Variants in MYO9A observed in about 807,000 individuals in gnomAD.
The protein encoded by MYO9A is myosin IXA.
In MYO9A, 103 loss-of-function variants were observed where a neutral mutation model predicts 293.3. The observed-to-expected ratio is 0.35, with a 90% CI of 0.30 to 0.41. MYO9A has a LOEUF of 0.41. Ranked by LOEUF, MYO9A falls within the 10% of genes least tolerant of loss-of-function variation. The pLI is 1.00. For synonymous variants in MYO9A, 1,001 were observed against 1,035.7 expected (o/e 0.97, Z 0.64); for missense variants, 2,685 against 3,033.0 (o/e 0.89, Z 2.69).
At position 71,825,465 on chromosome 15, in the gene MYO9A, G is replaced by C. The variant is rs2054440899; in HGVS notation, c.*1115C>G. On this transcript the variant is annotated 3_prime_UTR_variant, in exon 42 of 42. Transcript: ENST00000356056. ...ATTTAATACTGATAGTCTGAGAAAA[G>C]GAAGATAAAAGTTAGTTAGTTAGAT... 1 of 151,990 alleles carries C rather than the reference G, an allele frequency of 6.6e-6. No individual in the cohort carries two copies. Among genetic ancestry groups the C allele is most frequent in the South Asian group, 2.1e-4 (1 of 4,822 alleles). 9.4% of individuals were successfully genotyped at this position (151,990 alleles called of 1,614,324 possible).
chr15:72,037,228 A>G (rs903945460), intron 2 of MYO9A, among the ~76,000 whole-genome samples: 5 of 145,962 alleles, frequency 3.4e-5, no homozygotes, highest in Non-Finnish European at 6.0e-5. Flanking sequence ...TTTAAACACT[A>G]TAACTGCTTA....
chr15:71,904,162 C>T (rs1256113197), intron 20 of MYO9A, 123 bp from the exon 21 acceptor site: 1 of 758,974 alleles, frequency 1.3e-6, no homozygotes, highest in South Asian at 1.7e-5. Flanking sequence ...TTAACATATA[C>T]AGTAACTAAG....
intron 14 of MYO9A, among the ~76,000 whole-genome samples, chr15:71,952,251 C>T (rs1214709649): frequency 6.6e-6 from 1 of 152,064 alleles, no homozygotes; most frequent in Admixed American, 6.6e-5. Context: ...ATATAATTAA[C>T]ATATAGTTGG....
intron 18 of MYO9A, among the ~76,000 whole-genome samples, chr15:71,918,665 G>A (rs942043314): frequency 6.6e-6 from 1 of 152,144 alleles, no homozygotes; most frequent in African/African-American, 2.4e-5. Flanking sequence ...ATAATTTATA[G>A]GTTACCCTTA....
chr15:72,020,342 T>C (rs1224147437), intron 5 of MYO9A, among the ~76,000 whole-genome samples: 5 of 152,168 alleles, frequency 3.3e-5, no homozygotes, highest in Admixed American at 3.3e-4. Flanking sequence ...TACTCCTCAA[T>C]GTGGAAGTTT....
chr15:71,827,511 C>CA, intron 41 of MYO9A, among the ~76,000 whole-genome samples: 1 of 151,102 alleles, frequency 6.6e-6, no homozygotes, highest in East Asian at 1.9e-4. Context: ...ATTAAATTAC[C>CA]AAAAAACAAA....
chr15:71,966,265 A>AGTGTGTGTGTGTGTGTGT lies in MYO9A; in HGVS notation c.1986+1701_1986+1718dup, dbSNP rs377708464. ...ATAACGCAGATGAATATCCCAGGCA[A>AGTGTGTGTGTGTGTGTGT]GTGTGTGTGTGTGTGTGTGTGTGTG... On this transcript the variant is annotated intron_variant, in intron 13 of 41. Coordinates refer to ENST00000356056, the MANE Select transcript of MYO9A (RefSeq NM_006901.4). Among the ~76,000 whole-genome samples, 1,250 of 134,928 alleles carry AGTGTGTGTGTGTGTGTGT rather than the reference A, an allele frequency of 9.3e-3. 23 individuals are homozygous for AGTGTGTGTGTGTGTGTGT. Among genetic ancestry groups the AGTGTGTGTGTGTGTGTGT allele is most frequent in the African/African-American group, 0.018 (644 of 34,854 alleles). 88.5% of individuals were successfully genotyped at this position (134,928 alleles called of 152,430 possible). A position where few individuals can be genotyped will look rare whatever the true frequency, so the allele number is the denominator to read the frequency against.
intron 1 of MYO9A, among the ~76,000 whole-genome samples, chr15:72,071,182 A>C (rs2079178370): frequency 6.6e-6 from 1 of 152,224 alleles, no homozygotes; most frequent in Non-Finnish European, 1.5e-5. Flanking sequence ...TGGAATCTAT[A>C]AGGAACTTAA....
At chr15:71,841,195 ATT>A (rs1555459840) in intron 39 of MYO9A, among the ~76,000 whole-genome samples, 1 of 152,038 alleles carries the variant, frequency 6.6e-6, no homozygotes, top group Non-Finnish European at 1.5e-5. Flanking sequence ...TGATAATTTT[ATT>A]TCTTTATTTT....
chr15:71,898,275 C>A lies in MYO9A; in HGVS notation c.4228G>T (p.Asp1410Tyr), dbSNP rs779087224. The change falls in exon 25 of 42, where the codon GAC becomes TAC. Residue 1410 changes from aspartate (D) to tyrosine (Y), a missense_variant. Physicochemically the swap from Asp to Tyr is radical, Grantham distance 160. Transcript: ENST00000356056. Reference protein sequence around the residue: ...ESITCKPQLKDSFISNSLPTF... With the variant: ...ESITCKPQLKYSFISNSLPTF... ...GGTAGACTATTTGAAATGAAGGAGTCTTTCAGCTGTGGTTTACAGGTAATA... is the reference window on the plus strand; with the variant it reads ...GGTAGACTATTTGAAATGAAGGAGTATTTCAGCTGTGGTTTACAGGTAATA... The A allele has an allele frequency of 6.2e-6, 10 of 1,614,158 alleles. No homozygotes were observed. In the Middle Eastern group the frequency reaches 6.6e-4, roughly 107 times the overall value.
At chr15:72,042,966 A>G (rs2149626526) in intron 2 of MYO9A, among the ~76,000 whole-genome samples, 1 of 152,112 alleles carries the variant, frequency 6.6e-6, no homozygotes, top group East Asian at 1.9e-4. Flanking sequence ...GCTACTCAGG[A>G]GGCTAACGTG....
intron 15 of MYO9A, among the ~76,000 whole-genome samples, chr15:71,940,924 G>C (rs910204258): frequency 4.6e-5 from 7 of 151,384 alleles, no homozygotes; most frequent in Non-Finnish European, 1.0e-4. Flanking sequence ...CCATCTCAAA[G>C]AAGAAGGAAG....
At chr15:72,048,441 A>G (rs745477236) in intron 1 of MYO9A, among the ~76,000 whole-genome samples, 39 of 152,170 alleles carry the variant, frequency 2.6e-4, no homozygotes, top group Middle Eastern at 3.4e-3. Context: ...TGAGGAAAGG[A>G]CAAACTATTC....
At chr15:72,008,472 TGTGA>T (rs201316251) in intron 7 of MYO9A, among the ~76,000 whole-genome samples, 2 of 148,286 alleles carry the variant, frequency 1.3e-5, no homozygotes, top group East Asian at 2.0e-4. Context: ...TGTGTGTGTG[TGTGA>T]ATGGGGTAAA....
At chr15:71,925,284 T>C (rs2058273585) in intron 18 of MYO9A, among the ~76,000 whole-genome samples, 1 of 148,032 alleles carries the variant, frequency 6.8e-6, no homozygotes, top group African/African-American at 2.6e-5. Context: ...CATATACGTA[T>C]ACACGTGTAT....
chr15:72,026,284 AAAAAAAAAAAAAG>A (rs1203791812), intron 4 of MYO9A, among the ~76,000 whole-genome samples: 2 of 143,414 alleles, frequency 1.4e-5, no homozygotes, highest in African/African-American at 2.5e-5. Flanking sequence ...AGAAAAAAAA[AAAAAAAAAAAAAG>A]AAAGAAAAGA....
At chr15:72,041,245 A>G in intron 2 of MYO9A, 1 of 1,351,186 alleles carries the variant, frequency 7.4e-7, no homozygotes, top group Admixed American at 1.7e-5. Flanking sequence ...CACATGACAG[A>G]CACCTGTACA....
At position 71,878,047 on chromosome 15, in the gene MYO9A, G is replaced by A. The variant is rs1228408251; in HGVS notation, c.5924C>T (p.Ala1975Val). Residue 1975 changes from alanine (A) to valine (V), a missense_variant, in exon 31 of 42, where the codon GCC becomes GTC. By Grantham distance (64) the Ala-to-Val change is moderately conservative. Coordinates refer to ENST00000356056, the MANE Select transcript of MYO9A (RefSeq NM_006901.4). ...AAAATATATCACATTTACCTTTGTG[G>A]CTGTGCAATCTGAAGTCTTGAATTC... The part of the protein sequence containing the change: ...MNEFKTSDCT[A>V]TKVPKTERKK... The A allele has an allele frequency of 6.3e-7, 1 of 1,592,776 alleles. No homozygotes were observed. Among genetic ancestry groups the A allele is most frequent in the Non-Finnish European group, 8.5e-7 (1 of 1,171,640 alleles).
intron 9 of MYO9A, among the ~76,000 whole-genome samples, chr15:71,996,407 C>A (rs1393003859): frequency 6.6e-6 from 1 of 152,132 alleles, no homozygotes; most frequent in African/African-American, 2.4e-5. Context: ...TAGGCCAATA[C>A]GATACCTATT....
Sources: gnomAD v4.1 joint callset for allele counts (sites outside exome capture counted in the v4.1 genomes callset) on GRCh38, gnomAD v4.1.1 for gene constraint, MANE v1.5 for transcripts, NCBI Gene and HGNC (gene_info 2026-07-23, HGNC 2026-07-21) for gene names.